NTM: variants seen among roughly 807,000 people sequenced by gnomAD.
NTM encodes neurotrimin.
A neutral mutation model predicts 42.1 loss-of-function variants in NTM; 13 were observed. The ratio of observed to expected loss-of-function variants is 0.31; its 90% CI spans 0.20 to 0.49. NTM has a LOEUF of 0.49. NTM is among the 20% of genes least tolerant of loss of function. The probability of loss-of-function intolerance (pLI) is 0.99; values close to 1 mark genes in which losing one functional copy is unlikely to be tolerated. For missense variants in NTM, 373 were observed against 452.8 expected (o/e 0.82, Z 1.60); for synonymous variants, 187 against 179.2 (o/e 1.04, Z -0.35).
intron 4 of NTM, among the ~76,000 whole-genome samples, chr11:132,260,210 G>A (rs927723297): frequency 1.3e-5 from 2 of 151,656 alleles, no homozygotes; most frequent in African/African-American, 4.8e-5. Flanking sequence ...TAGTTACCAC[G>A]GAAGCCCATG....
At chr11:132,089,919 GGTTT>G (rs1445749427) in intron 2 of NTM, among the ~76,000 whole-genome samples, 4 of 151,894 alleles carry the variant, frequency 2.6e-5, no homozygotes. Flanking sequence ...TAAAATTCAA[GGTTT>G]TTTTTATAAT....
In NTM at chr11:131,809,477, A is replaced by T. The variant is rs151116080; in HGVS notation, c.83-102087A>T. ...TCACTGCTGTGGCCCCGGTGAGGCC[A>T]CCCGTATAAGACTAGGGTACCAGGG... On this transcript the variant is annotated intron_variant, in intron 1 of 8. Coordinates refer to ENST00000683400, the MANE Select transcript of NTM (RefSeq NM_001352005.2). Among the ~76,000 whole-genome samples, 316 of 152,254 alleles carry T rather than the reference A, an allele frequency of 2.1e-3. 2 individuals carry two copies. The highest frequency in any genetic ancestry group is 7.1e-3 in the African/African-American group (295 of 41,534).
At chr11:131,795,026 A>C (rs1257526218) in intron 1 of NTM, 1 of 982,886 alleles carries the variant, frequency 1.0e-6, no homozygotes, top group East Asian at 1.1e-4. Flanking sequence ...TCCTTCCTGG[A>C]CCCTGTAGCC....
At chr11:131,374,942 G>A (rs1449788259) in intron 1 of NTM, among the ~76,000 whole-genome samples, 2 of 152,150 alleles carry the variant, frequency 1.3e-5, no homozygotes, top group Non-Finnish European at 2.9e-5. Flanking sequence ...CTAGTATTTT[G>A]GATTCAAGCT....
At chr11:132,238,692 C>T (rs1197280027) in intron 4 of NTM, among the ~76,000 whole-genome samples, 1 of 152,130 alleles carries the variant, frequency 6.6e-6, no homozygotes, top group Non-Finnish European at 1.5e-5. Context: ...TGGAGACACA[C>T]CAAGAAACAG....
At chr11:131,855,825 C>A (rs1275534208) in intron 1 of NTM, among the ~76,000 whole-genome samples, 1 of 152,186 alleles carries the variant, frequency 6.6e-6, no homozygotes, top group East Asian at 1.9e-4. Flanking sequence ...CACCTCCCTG[C>A]ATGGATTTTG....
intron 1 of NTM, among the ~76,000 whole-genome samples, chr11:131,582,832 G>T (rs1402329517): frequency 6.6e-6 from 1 of 151,762 alleles, no homozygotes; most frequent in Non-Finnish European, 1.5e-5. Context: ...ATTTACTGGC[G>T]TTTGGGGTAA....
chr11:131,884,665 C>T (rs1002339967), intron 1 of NTM, among the ~76,000 whole-genome samples: 1 of 152,030 alleles, frequency 6.6e-6, no homozygotes, highest in African/African-American at 2.4e-5. Flanking sequence ...AGGGGAAACA[C>T]CAAGAAGAGC....
intron 2 of NTM, among the ~76,000 whole-genome samples, chr11:132,101,657 C>A (rs1483023327): frequency 6.6e-6 from 1 of 151,958 alleles, no homozygotes; most frequent in Admixed American, 6.6e-5. Flanking sequence ...CTAAGACCTT[C>A]TTATTTCTCA....
chr11:131,809,292 C>A (rs1021735219), intron 1 of NTM, among the ~76,000 whole-genome samples: 5 of 152,212 alleles, frequency 3.3e-5, no homozygotes, highest in Admixed American at 3.3e-4. Flanking sequence ...CCATCCTCCC[C>A]GCACTGCCAG....
intron 4 of NTM, among the ~76,000 whole-genome samples, chr11:132,294,982 A>C (rs1456323928): frequency 1.3e-5 from 2 of 152,178 alleles, no homozygotes; most frequent in African/African-American, 4.8e-5. Context: ...AAGGTGGCCA[A>C]ACCTGGCTCT....
intron 1 of NTM, among the ~76,000 whole-genome samples, chr11:131,459,224 C>T (rs956189626): frequency 1.3e-5 from 2 of 152,244 alleles, no homozygotes; most frequent in African/African-American, 2.4e-5. Context: ...GCCTCTTGCT[C>T]TCACCAGCAA....
intron 2 of NTM, among the ~76,000 whole-genome samples, chr11:132,106,645 C>T (rs2062411201): frequency 6.6e-6 from 1 of 152,256 alleles, no homozygotes; most frequent in Non-Finnish European, 1.5e-5. Context: ...TCTGTACCCA[C>T]AGCCTACCTA....
chr11:131,825,392 G>T (rs1051367515), intron 1 of NTM, among the ~76,000 whole-genome samples: 27 of 152,060 alleles, frequency 1.8e-4, no homozygotes, highest in Admixed American at 6.6e-4. Flanking sequence ...GTATGGTGGT[G>T]GGGGGTGGGG....
intron 1 of NTM, among the ~76,000 whole-genome samples, chr11:131,601,525 G>T (rs148592379): frequency 5.7e-4 from 86 of 151,534 alleles, no homozygotes; most frequent in African/African-American, 2.0e-3. Context: ...AGATAAAATT[G>T]TTTCTCTAGT....
intron 1 of NTM, among the ~76,000 whole-genome samples, chr11:131,444,203 C>CAAAAAAAAAAA (rs71475757): frequency 6.1e-5 from 3 of 49,504 alleles, no homozygotes; most frequent in Admixed American, 3.3e-4. Flanking sequence ...AGGTTAGAAC[C>CAAAAAAAAAAA]AAAAAAAAAA....
At chr11:132,210,290 AAG>A (rs1394539753) in intron 3 of NTM, among the ~76,000 whole-genome samples, 6 of 152,202 alleles carry the variant, frequency 3.9e-5, no homozygotes, top group Admixed American at 3.9e-4. Flanking sequence ...GCCAAGAACT[AAG>A]AAGTCAAAAC....
intron 2 of NTM, among the ~76,000 whole-genome samples, chr11:131,912,630 T>C (rs2055404235): frequency 6.6e-6 from 1 of 152,232 alleles, no homozygotes; most frequent in Non-Finnish European, 1.5e-5. Context: ...AGAAGGTTCA[T>C]GGGAACGATT....
chr11:132,314,609 C>T lies in NTM; in HGVS notation c.840C>T (p.Leu280=). 5 of 1,613,942 alleles carry T rather than the reference C, an allele frequency of 3.1e-6. No homozygotes were observed. Among genetic ancestry groups the T allele is most frequent in the Non-Finnish European group, 4.2e-6 (5 of 1,179,896 alleles). Residue 280 remains leucine, a synonymous_variant, in exon 7 of 9, where the codon CTC becomes CTT. Coordinates refer to ENST00000683400, the MANE Select transcript of NTM (RefSeq NM_001352005.2). ...KVENRPFLSK[L]IFFNVSEHDY... ...AAAACAGACCTTTCCTCTCAAAACT[C>T]ATCTTCTTCAATGTCTCTGAACATG... is the stretch of plus-strand genomic sequence containing the variant.
Sources: allele counts gnomAD v4.1 joint callset (sites outside exome capture counted in the v4.1 genomes callset), GRCh38; gene constraint gnomAD v4.1.1; transcripts MANE v1.5; gene names NCBI Gene and HGNC (gene_info 2026-07-23, HGNC 2026-07-21).